The following PDZD7 variants were observed in gnomAD, a reference collection of about 807,000 sequenced individuals.
PDZD7 encodes PDZ domain containing 7, also known as PDZ domain-containing protein 7.
PDZD7 carries 72 observed loss-of-function variants against 84.7 expected under a neutral mutation model. That is an observed-to-expected ratio of 0.85 (90% CI 0.70 to 1.03). The LOEUF is 1.03. PDZD7 is among the 50% of genes least tolerant of loss of function. PDZD7 has a pLI of 0.00. For synonymous variants in PDZD7, 594 were observed against 580.7 expected (o/e 1.02, Z -0.33); for missense variants, 1,490 against 1,412.9 (o/e 1.05, Z -0.87).
rs1295786659 is a variant in PDZD7, at chr10:101,010,689, G to T, written c.2200C>A (p.Pro734Thr). The T allele has an allele frequency of 1.4e-6, 2 of 1,459,158 alleles. No homozygotes were observed. The highest frequency in any genetic ancestry group is 1.4e-5 in the African/African-American group (1 of 70,040). The allele number at this position is 1,459,158 out of a possible 1,614,324, so 90.4% of individuals were successfully genotyped here. A position where few individuals can be genotyped will look rare whatever the true frequency, so the allele number is the denominator to read the frequency against. ...GCCACGGGGGGTAGCTGGGGAGGGG[G>T]TGTGCAGGCAATTCGGAGGGGGGTG... ...AFTPLRIACT[P>T]PPQLPPVAPR... is the part of the protein sequence containing the mutation. Residue 734 changes from proline to threonine, a missense_variant, in exon 15 of 17, where the codon CCC (proline) becomes ACC (threonine). Coordinates refer to ENST00000619208, the MANE Select transcript of PDZD7 (RefSeq NM_001195263.2).
At position 101,010,659 on chromosome 10, in the gene PDZD7, G is replaced by C; in HGVS notation, c.2230C>G (p.Arg744Gly). The C allele has an allele frequency of 4.6e-6, 7 of 1,517,952 alleles. No homozygotes were observed. The highest frequency in any genetic ancestry group is 6.2e-6 in the Non-Finnish European group (7 of 1,135,078). The allele number at this position is 1,517,952 out of a possible 1,614,324, so 94.0% of individuals were successfully genotyped here. The change falls in exon 15 of 17, where the codon CGG becomes GGG. Residue 744 changes from arginine (R) to glycine (G), a missense_variant. By Grantham distance (125) the Arg-to-Gly change is moderately radical. Transcript: ENST00000619208. ...PPPQLPPVAP[R>G]PLRPNWLLTE... ...AGCAGCCAGTTAGGCCGCAGGGGCC[G>C]GGGAGCCACGGGGGGTAGCTGGGGA...
rs370280625 is a variant in PDZD7, at chr10:101,018,193, C to A, written c.1428G>T (p.Arg476=). Residue 476 remains arginine (R), a synonymous_variant, in exon 9 of 17, where the codon CGG becomes CGT. Transcript: ENST00000619208. ...GCCCGTCCCGCGCTAGCCTCCCCTG[C>A]CGCCCTCCCTTGAAGAAGAGGTTCA... ...TLMNLFFKGG[R]QGRLARDGRR... 1.9e-6 allele frequency: 3 copies of A among 1,614,116 alleles called. No individual in the cohort carries two copies. In the African/African-American group the frequency reaches 4.0e-5, roughly 22 times the overall value.
At chr10:101,029,940 GTCCCCTACCCCCACCC>G in intron 2 of PDZD7, 38 bp downstream of exon 2, 10 of 1,531,834 alleles carry the variant, frequency 6.5e-6, no homozygotes, top group Non-Finnish European at 9.0e-6. Flanking sequence ...AGTTCCCATT[GTCCCCTACCCCCACCC>G]TCCCCAACCC....
At chr10:101,025,522 TTTTATTTATTTA>T (rs59545181) in intron 2 of PDZD7, among the ~76,000 whole-genome samples, 110 of 138,042 alleles carry the variant, frequency 8.0e-4, no homozygotes, top group African/African-American at 2.0e-3. Flanking sequence ...ATGGAAGGGA[TTTTATTTATTTA>T]TTTATTTATT....
intron 11 of PDZD7, among the ~76,000 whole-genome samples, chr10:101,015,394 TCATGTGACTCATCAC>T (rs1852570430): frequency 6.6e-6 from 1 of 152,200 alleles, no homozygotes; most frequent in Non-Finnish European, 1.5e-5. Flanking sequence ...CTTCAGCTCT[TCATGTGACTCATCAC>T]CATGGGCGTT....
At chr10:101,015,501 G>C (rs1852578660) in intron 11 of PDZD7, 135 bp downstream of exon 11, 2 of 977,028 alleles carry the variant, frequency 2.0e-6, no homozygotes, top group Non-Finnish European at 3.0e-6. Flanking sequence ...TGACAGGAGT[G>C]ACTTCTGATT....
In PDZD7 at chr10:101,008,524, G is replaced by T. The variant is rs762917041; in HGVS notation, c.3045C>A (p.Pro1015=). 2 of 1,534,454 alleles carry T rather than the reference G, an allele frequency of 1.3e-6. No individual in the cohort carries two copies. The highest frequency in any genetic ancestry group is 1.2e-5 in the South Asian group (1 of 83,934). ...AATCAGGAGTCTGGAGGGCTGGGGA[G>T]GGGGCTGGGCTGGGAGTTGGCTGGA... is the stretch of plus-strand genomic sequence containing the variant. ...RLLQPTPSPA[P]SPALQTPDSK... The change falls in exon 17 of 17, where the codon CCC becomes CCA. Residue 1015 remains proline, a synonymous_variant. Transcript: ENST00000619208.
At position 101,028,952 on chromosome 10, in the gene PDZD7, G is replaced by T. The variant is rs533214783; in HGVS notation, c.226+1042C>A. ...GCAACATGCCCCACCCTGCTCCAGT[G>T]GCCTAGGGAGGGGAAGAGAGATGCC... On this transcript the variant is annotated intron_variant, in intron 2 of 16. Coordinates refer to ENST00000619208, the MANE Select transcript of PDZD7 (RefSeq NM_001195263.2). Among the ~76,000 whole-genome samples the T allele has an allele frequency of 8.5e-5, 13 of 152,354 alleles. No homozygotes were observed. The South Asian group carries it at 2.7e-3, about 32-fold the overall frequency.
rs565546620 is a variant in PDZD7 at position 101,022,022 on chromosome 10, G to A, written c.720-77C>T. 83 of 1,580,364 alleles carry A rather than the reference G, an allele frequency of 5.3e-5. 1 individual carries two copies. In the South Asian group the frequency reaches 9.0e-4, roughly 17 times the overall value. ...CCCCACTCCAGACCCCCTTCTCTTG[G>A]ACACAAGACTGCACCAGTCAAGGTC... On this transcript the variant is annotated intron_variant, in intron 5 of 16. Transcript: ENST00000619208.
Position 101,008,140 on chromosome 10 carries a change from A to T in PDZD7, c.*327T>A. ...GTCTGTGTCCCTGGAGGCTTGGGCG[A>T]CTCATAAGGGACAGCATGTGAGAAA... is the stretch of plus-strand genomic sequence containing the variant. On this transcript the variant is annotated 3_prime_UTR_variant, in exon 17 of 17. Coordinates refer to ENST00000619208, the MANE Select transcript of PDZD7 (RefSeq NM_001195263.2). 1 of 376,546 alleles carries T rather than the reference A, an allele frequency of 2.7e-6. No homozygotes were observed. Among genetic ancestry groups the T allele is most frequent in the Non-Finnish European group, 4.8e-6 (1 of 209,602 alleles). The allele number at this position is 376,546 out of a possible 1,614,324, so 23.3% of individuals were successfully genotyped here.
chr10:101,019,283 A>T, intron 7 of PDZD7, 66 bp from the exon 8 acceptor site: 1 of 1,528,798 alleles, frequency 6.5e-7, no homozygotes, highest in Non-Finnish European at 8.7e-7. Context: ...CTTGCAGACC[A>T]CCCTTGGGCT....
chr10:101,010,855 C>T lies in PDZD7; in HGVS notation c.2034G>A (p.Pro678=), dbSNP rs1464365601. Residue 678 remains proline, a synonymous_variant, in exon 15 of 17, where the codon CCG becomes CCA. Coordinates refer to ENST00000619208, the MANE Select transcript of PDZD7 (RefSeq NM_001195263.2). ...PDSRGGFYLL[P]VNGFPEEEDN... is the part of the protein sequence containing the mutation. ...CTTCCTCTTCCGGGAAGCCGTTCACCGGCAGCAGGTAGAAGCCTCCGCGGC... is the reference window on the plus strand; with the variant it reads ...CTTCCTCTTCCGGGAAGCCGTTCACTGGCAGCAGGTAGAAGCCTCCGCGGC... 2.6e-6 allele frequency: 4 copies of T among 1,534,480 alleles called. No homozygotes were observed. Among genetic ancestry groups the T allele is most frequent in the East Asian group, 2.4e-5 (1 of 40,910 alleles).
At chr10:101,012,486 G>T (rs1303997288) in intron 11 of PDZD7, among the ~76,000 whole-genome samples, 1 of 152,196 alleles carries the variant, frequency 6.6e-6, no homozygotes, top group African/African-American at 2.4e-5. Context: ...CAACAGCATC[G>T]ATAACAGCTT....
intron 11 of PDZD7, 43 bp from the exon 12 acceptor site, chr10:101,012,301 C>T (rs1332267292): frequency 6.7e-7 from 1 of 1,484,500 alleles, no homozygotes; most frequent in East Asian, 2.5e-5. Flanking sequence ...GTGGGGGCTT[C>T]CAGAGCTGAG....
chr10:101,009,299 A>G lies in PDZD7; in HGVS notation c.2669T>C (p.Ile890Thr), dbSNP rs538426498. Residue 890 changes from isoleucine (I) to threonine (T), a missense_variant, in exon 16 of 17, where the codon ATA becomes ACA. Physicochemically the swap from Ile to Thr is moderately conservative, Grantham distance 89. Coordinates refer to ENST00000619208, the MANE Select transcript of PDZD7 (RefSeq NM_001195263.2). ...GGCCCCCCCAGGGAAGATCTTCTCT[A>G]TCTTCACCATGGGCTGCACCTTGGA... ...IESKVQPMVK[I>T]EKIFPGGAAF... The G allele has an allele frequency of 1.3e-6, 2 of 1,536,012 alleles. No individual in the cohort carries two copies. Among genetic ancestry groups the G allele is most frequent in the Non-Finnish European group, 1.7e-6 (2 of 1,146,838 alleles).
chr10:101,030,456 T>TC (rs991894373), intron 1 of PDZD7, 72 bp from the exon 2 acceptor site: 126 of 643,580 alleles, frequency 2.0e-4, no homozygotes, highest in Non-Finnish European at 1.9e-4. Flanking sequence ...CTTCCACCCC[T>TC]CCCCCTGGTT....
Position 101,021,948 on chromosome 10 carries a change from G to A in PDZD7, c.720-3C>T. 1.2e-6 allele frequency: 2 copies of A among 1,614,098 alleles called. No individual in the cohort carries two copies. The highest frequency in any genetic ancestry group is 1.3e-5 in the African/African-American group (1 of 75,036). On this transcript the variant is annotated splice_region_variant and splice_polypyrimidine_tract_variant and intron_variant, in intron 5 of 16. Transcript: ENST00000619208. Reference sequence around the variant, plus strand: ...CGGCCAGCCCACCATGGTCCACTCTGAGGCCAGACAGGCGTCAGTCTGATA... The same window carrying A: ...CGGCCAGCCCACCATGGTCCACTCTAAGGCCAGACAGGCGTCAGTCTGATA...
intron 1 of PDZD7, 197 bp from the exon 2 acceptor site, chr10:101,030,581 G>C: frequency 2.3e-6 from 1 of 441,122 alleles, no homozygotes; most frequent in South Asian, 2.1e-5. Flanking sequence ...AGGCAGGTGG[G>C]AACCTTTCAC....
rs747070693 is a variant in PDZD7 at position 101,010,614 on chromosome 10, C to T, written c.2275G>A (p.Glu759Lys). 1 of 1,504,102 alleles carries T rather than the reference C, an allele frequency of 6.6e-7. No individual in the cohort carries two copies. Among genetic ancestry groups the T allele is most frequent in the East Asian group, 2.5e-5 (1 of 40,448 alleles). 93.2% of individuals were successfully genotyped at this position (1,504,102 alleles called of 1,614,324 possible). A position where few individuals can be genotyped will look rare whatever the true frequency, so the allele number is the denominator to read the frequency against. ...NWLLTEPLSR[E>K]HPPQSQIRGR... ...CGGATCTGGCTCTGCGGAGGGTGCT[C>T]TCGGCTCAGGGGTTCTGTCAGCAGC... The change falls in exon 15 of 17, where the codon GAG (glutamate) becomes AAG (lysine). Residue 759 changes from glutamate to lysine, a missense_variant. Glu to Lys is a moderately conservative substitution (Grantham distance 56). Coordinates refer to ENST00000619208, the MANE Select transcript of PDZD7 (RefSeq NM_001195263.2).
Sources: gnomAD v4.1 joint callset for allele counts (sites outside exome capture counted in the v4.1 genomes callset) on GRCh38, gnomAD v4.1.1 for gene constraint, MANE v1.5 for transcripts, NCBI Gene and HGNC (gene_info 2026-07-23, HGNC 2026-07-21) for gene names.